The following EPB41L5 variants were observed in gnomAD, a reference collection of about 807,000 sequenced individuals.
EPB41L5 encodes erythrocyte membrane protein band 4.1 like 5, also known as band 4.1-like protein 5.
In EPB41L5, 55 loss-of-function variants were observed where a neutral mutation model predicts 106.6. The ratio of observed to expected loss-of-function variants is 0.52; its 90% confidence interval spans 0.42 to 0.65. The LOEUF (loss-of-function observed/expected upper bound fraction) is 0.65. EPB41L5 is among the 30% of genes least tolerant of loss of function. EPB41L5 has a pLI of 0.00. For missense variants in EPB41L5, 871 were observed against 882.1 expected, an observed-to-expected ratio of 0.99 and a Z score of 0.16; for synonymous variants, 297 against 306.7, an observed-to-expected ratio of 0.97 and a Z score of 0.33.
chr2:120,077,013 T>G lies in EPB41L5; in HGVS notation c.548T>G (p.Leu183Arg). ...GATCTTGCTGAGCATAGTCCTGAAC[T>G]TGTCTCAGAGTTCAGATTCGTGCCT... ...DYDLAEHSPE[L>R]VSEFRFVPIQ... Residue 183 changes from leucine (L) to arginine (R), a missense_variant, in exon 8 of 25, where the codon CTT (leucine) becomes CGT (arginine). Coordinates refer to ENST00000263713, the MANE Select transcript of EPB41L5 (RefSeq NM_020909.4). The G allele has an allele frequency of 6.2e-7, 1 of 1,612,798 alleles. No individual in the cohort carries two copies. Among genetic ancestry groups the G allele is most frequent in the Non-Finnish European group, 8.5e-7 (1 of 1,179,330 alleles).
intron 17 of EPB41L5, among the ~76,000 whole-genome samples, chr2:120,129,216 A>G (rs897364095): frequency 1.5e-4 from 23 of 152,184 alleles, no homozygotes; most frequent in African/African-American, 4.8e-4. Context: ...CATGTCTGCA[A>G]TCCCAGCTAC....
At chr2:120,136,862 G>A (rs1685943637) in intron 18 of EPB41L5, among the ~76,000 whole-genome samples, 1 of 151,850 alleles carries the variant, frequency 6.6e-6, no homozygotes, top group Non-Finnish European at 1.5e-5. Context: ...CAAAAAATTG[G>A]ATTTAATCAG....
intron 20 of EPB41L5, among the ~76,000 whole-genome samples, chr2:120,151,158 A>G (rs1216881557): frequency 2.0e-5 from 3 of 152,058 alleles, no homozygotes; most frequent in Non-Finnish European, 2.9e-5. Flanking sequence ...TCAAAATACA[A>G]AAAATTAGCC....
chr2:120,154,395 C>T (rs1686815919), intron 20 of EPB41L5, among the ~76,000 whole-genome samples: 1 of 151,452 alleles, frequency 6.6e-6, no homozygotes. Flanking sequence ...GAACTCCCGA[C>T]CTCAGGTAAT....
intron 5 of EPB41L5, among the ~76,000 whole-genome samples, chr2:120,074,905 G>A (rs141639734): frequency 7.4e-4 from 113 of 152,174 alleles, no homozygotes; most frequent in Non-Finnish European, 1.1e-3. Flanking sequence ...TCAGTTCACC[G>A]CAACCTCTGT....
chr2:120,028,442 G>T (rs1446854746), intron 2 of EPB41L5, among the ~76,000 whole-genome samples: 1 of 152,080 alleles, frequency 6.6e-6, no homozygotes, highest in Non-Finnish European at 1.5e-5. Flanking sequence ...GGCTGGAGGT[G>T]AGAGGATTGC....
chr2:120,114,690 T>G (rs772337631), intron 16 of EPB41L5, among the ~76,000 whole-genome samples: 1 of 152,234 alleles, frequency 6.6e-6, no homozygotes, highest in African/African-American at 2.4e-5. Context: ...ATACATACTT[T>G]TGAAAATTTT....
At chr2:120,015,566 T>C (rs1677459982) in intron 1 of EPB41L5, among the ~76,000 whole-genome samples, 1 of 152,172 alleles carries the variant, frequency 6.6e-6, no homozygotes, top group East Asian at 1.9e-4. Flanking sequence ...CCGTGTAGGA[T>C]GAAACTCTCT....
chr2:120,131,609 T>C lies in EPB41L5; in HGVS notation c.1502-9T>C. 1.2e-6 allele frequency: 2 copies of C among 1,604,676 alleles called. No homozygotes were observed. The highest frequency in any genetic ancestry group is 1.7e-6 in the Non-Finnish European group (2 of 1,173,532). ...CTGGGGTTATTTTGCCTTTTTTTTT[T>C]CTTTTCAGCATTAAAAGACACCTCA... On this transcript the variant is annotated splice_polypyrimidine_tract_variant and intron_variant, in intron 17 of 24. Coordinates refer to ENST00000263713, the MANE Select transcript of EPB41L5 (RefSeq NM_020909.4).
chr2:120,095,049 TGTTA>T (rs1160378115), intron 14 of EPB41L5, among the ~76,000 whole-genome samples: 4 of 152,174 alleles, frequency 2.6e-5, no homozygotes, highest in African/African-American at 7.2e-5. Flanking sequence ...CATAGATGTC[TGTTA>T]GTTTATTGTG....
At chr2:120,042,203 A>G (rs974632475) in intron 3 of EPB41L5, 93 bp downstream of exon 3, 4 of 933,478 alleles carry the variant, frequency 4.3e-6, no homozygotes, top group Admixed American at 1.9e-5. Context: ...CCTATTCTTG[A>G]TGTGTTATTG....
chr2:120,055,131 G>C (rs1002464613), intron 3 of EPB41L5, among the ~76,000 whole-genome samples: 1 of 152,008 alleles, frequency 6.6e-6, no homozygotes, highest in African/African-American at 2.4e-5. Context: ...CCAAAGTGCT[G>C]GAATTATAGG....
rs61095506 is a variant in EPB41L5, at chr2:120,040,877, A to G, written c.181-1129A>G. 7.7e-3 allele frequency among the ~76,000 whole-genome samples: 1,167 copies of G among 152,298 alleles called. 12 individuals are homozygous for G. The highest frequency in any genetic ancestry group is 0.027 in the African/African-American group (1,107 of 41,572). On this transcript the variant is annotated intron_variant, in intron 2 of 24. Coordinates refer to ENST00000263713, the MANE Select transcript of EPB41L5 (RefSeq NM_020909.4). ...TGTCAGTTAAAAGGCAGAGATTGAT[A>G]TGATAAACCAACTATATGTTCATTT...
chr2:120,175,082 G>A lies in EPB41L5; in HGVS notation c.*175G>A, dbSNP rs1687875105. The A allele has an allele frequency of 3.1e-6, 2 of 650,136 alleles. No homozygotes were observed. Among genetic ancestry groups the A allele is most frequent in the African/African-American group, 1.8e-5 (1 of 55,986 alleles). The allele number at this position is 650,136 out of a possible 1,614,324, so 40.3% of individuals were successfully genotyped here. A position where few individuals can be genotyped will look rare whatever the true frequency, so the allele number is the denominator to read the frequency against. ...TATTTTCCGTCCAACTGGAATTGTT[G>A]AATCACACTGCATAGCTGCCCAAAA... On this transcript the variant is annotated 3_prime_UTR_variant, in exon 25 of 25. Coordinates refer to ENST00000263713, the MANE Select transcript of EPB41L5 (RefSeq NM_020909.4).
At chr2:120,118,522 G>A (rs1377172309) in intron 16 of EPB41L5, among the ~76,000 whole-genome samples, 3 of 151,206 alleles carry the variant, frequency 2.0e-5, no homozygotes, top group South Asian at 2.1e-4. Flanking sequence ...CCACACCCCC[G>A]ACAGGCCCCA....
chr2:120,024,870 G>A (rs1183652816), intron 2 of EPB41L5, among the ~76,000 whole-genome samples: 1 of 152,194 alleles, frequency 6.6e-6, no homozygotes, highest in East Asian at 1.9e-4. Flanking sequence ...GATCATGGTG[G>A]ATGAGCTTTT....
chr2:120,089,731 C>G (rs1039195579), intron 11 of EPB41L5, among the ~76,000 whole-genome samples: 8 of 151,962 alleles, frequency 5.3e-5, no homozygotes, highest in Admixed American at 1.3e-4. Flanking sequence ...TAATTTTCCC[C>G]AGAGAGGCAG....
intron 24 of EPB41L5, among the ~76,000 whole-genome samples, chr2:120,169,048 A>AT (rs1687546249): frequency 6.6e-6 from 1 of 152,232 alleles, no homozygotes; most frequent in Non-Finnish European, 1.5e-5. Flanking sequence ...AAGGACTTTC[A>AT]CATTAAAAAT....
intron 3 of EPB41L5, among the ~76,000 whole-genome samples, chr2:120,072,675 C>G (rs186073666): frequency 1.2e-4 from 19 of 152,234 alleles, no homozygotes; most frequent in Admixed American, 1.0e-3. Flanking sequence ...CAAACTAACA[C>G]AGGAACAGAA....
Sources: allele counts gnomAD v4.1 joint callset (sites outside exome capture counted in the v4.1 genomes callset), GRCh38; gene constraint gnomAD v4.1.1; transcripts MANE v1.5; gene names NCBI Gene and HGNC (gene_info 2026-07-23, HGNC 2026-07-21).